Variants in CNOT4 observed in about 807,000 individuals in gnomAD.
CNOT4 encodes the protein CCR4-NOT transcription complex subunit 4.
In CNOT4, 8 loss-of-function variants were observed where a neutral mutation model predicts 73.8. The observed-to-expected ratio is 0.11, with a 90% CI of 0.06 to 0.20. The LOEUF (loss-of-function observed/expected upper bound fraction) is 0.20. CNOT4 is among the 10% of genes least tolerant of loss of function. The probability of loss-of-function intolerance (pLI) is 1.00; values close to 1 mark genes in which losing one functional copy is unlikely to be tolerated. For missense variants in CNOT4, 564 were observed against 883.4 expected, an observed-to-expected ratio of 0.64 and a Z score of 4.58; for synonymous variants, 293 against 321.1, an observed-to-expected ratio of 0.91 and a Z score of 0.94.
chr7:135,403,495 T>C (rs970939058), intron 7 of CNOT4, among the ~76,000 whole-genome samples: 34 of 152,322 alleles, frequency 2.2e-4, no homozygotes, highest in African/African-American at 8.2e-4. Context: ...ACTACGTGCC[T>C]ATAGTCCTAG....
chr7:135,489,009 G>GA (rs1229781516), intron 1 of CNOT4, among the ~76,000 whole-genome samples: 1 of 151,772 alleles, frequency 6.6e-6, no homozygotes, highest in Non-Finnish European at 1.5e-5. Context: ...TGTTCCTTCA[G>GA]AAAAAAACAA....
intron 2 of CNOT4, among the ~76,000 whole-genome samples, chr7:135,436,109 T>C (rs138475773): frequency 7.9e-4 from 120 of 152,234 alleles, no homozygotes; most frequent in African/African-American, 2.8e-3. Flanking sequence ...CAGAGATTCC[T>C]CACACTTTCT....
intron 1 of CNOT4, among the ~76,000 whole-genome samples, chr7:135,486,982 G>C (rs1462803142): frequency 6.6e-6 from 1 of 152,034 alleles, no homozygotes; most frequent in African/African-American, 2.4e-5. Flanking sequence ...TTTTGTTTCA[G>C]TCTGTCAAGA....
chr7:135,465,244 A>G (rs1157495515), intron 1 of CNOT4, among the ~76,000 whole-genome samples: 6 of 152,194 alleles, frequency 3.9e-5, no homozygotes, highest in Non-Finnish European at 1.5e-5. Flanking sequence ...ATTTTAATGG[A>G]ATATTTTTTT....
At chr7:135,477,102 G>T (rs1802040975) in intron 1 of CNOT4, among the ~76,000 whole-genome samples, 1 of 152,146 alleles carries the variant, frequency 6.6e-6, no homozygotes, top group Non-Finnish European at 1.5e-5. Context: ...GGCACTTTGG[G>T]ACGCTGAGGT....
chr7:135,503,037 T>C (rs1804101592), intron 1 of CNOT4, among the ~76,000 whole-genome samples: 1 of 151,286 alleles, frequency 6.6e-6, no homozygotes, highest in South Asian at 2.1e-4. Context: ...CCTGTAGTTC[T>C]AGCTACTTGG....
In CNOT4 at chr7:135,393,969, A is replaced by C. The variant is rs763112694; in HGVS notation, c.1576T>G (p.Leu526Val). 8 of 1,613,584 alleles carry C rather than the reference A, an allele frequency of 5.0e-6. No individual in the cohort carries two copies. The highest frequency in any genetic ancestry group is 1.7e-5 in the Admixed American group (1 of 59,994). Residue 526 changes from leucine to valine, a missense_variant, in exon 10 of 12, where the codon TTG becomes GTG. This residue lies in a region of CNOT4 where 153 missense variants were observed against 158.7 expected (regional missense o/e 0.96). Transcript: ENST00000541284. ...GTGTTGTGCTGTGGCGGGAGATTCA[A>C]GTCCAAGAAATTACTATTTGAGGTG... ...NPTSNSNFLD[L>V]NLPPQHNTGL...
intron 7 of CNOT4, among the ~76,000 whole-genome samples, chr7:135,398,532 C>T (rs191464942): frequency 1.1e-4 from 16 of 151,832 alleles, no homozygotes; most frequent in Non-Finnish European, 8.8e-5. Context: ...TTGGGGTGTT[C>T]GCCCAATAAG....
intron 1 of CNOT4, among the ~76,000 whole-genome samples, chr7:135,470,129 GTT>G (rs1042298266): frequency 6.7e-6 from 1 of 150,262 alleles, no homozygotes; most frequent in East Asian, 2.0e-4. Flanking sequence ...AGCCTGGTGT[GTT>G]TTTTTGGGGG....
intron 6 of CNOT4, among the ~76,000 whole-genome samples, chr7:135,412,124 A>G (rs540754513): frequency 1.3e-5 from 2 of 152,078 alleles, no homozygotes; most frequent in East Asian, 3.9e-4. Flanking sequence ...TAAAACATGA[A>G]AAGTCTTGAA....
Position 135,364,343 on chromosome 7 carries a change from G to A in CNOT4, c.1628-277C>T, listed in dbSNP as rs1018842452. 3.9e-5 allele frequency among the ~76,000 whole-genome samples: 6 copies of A among 152,134 alleles called. No homozygotes were observed. Among genetic ancestry groups the A allele is most frequent in the South Asian group, 2.1e-4 (1 of 4,822 alleles). On this transcript the variant is annotated intron_variant, in intron 10 of 11. Coordinates refer to ENST00000541284, the MANE Select transcript of CNOT4 (RefSeq NM_001190850.2). The surrounding 1 kb of genome is among the most constrained non-coding windows in gnomAD (Gnocchi z 4.3). Reference sequence around the variant, plus strand: ...TATGGGTTTGTAAATCAATAATCCAGTTTAAAGACTCAATGCTCCAGAGCA... The same window carrying A: ...TATGGGTTTGTAAATCAATAATCCAATTTAAAGACTCAATGCTCCAGAGCA...
At chr7:135,452,836 C>G (rs188514920) in intron 1 of CNOT4, among the ~76,000 whole-genome samples, 2 of 151,966 alleles carry the variant, frequency 1.3e-5, no homozygotes, top group African/African-American at 2.4e-5. Context: ...AGGAGGAGGC[C>G]AGGAGTTTAT....
intron 10 of CNOT4, chr7:135,388,704 A>C: frequency 6.6e-7 from 1 of 1,509,786 alleles, no homozygotes; most frequent in South Asian, 1.3e-5. Flanking sequence ...GGGTGTATAC[A>C]TTAAAAGCAA....
At chr7:135,420,297 T>C (rs1798110160) in intron 3 of CNOT4, among the ~76,000 whole-genome samples, 3 of 151,388 alleles carry the variant, frequency 2.0e-5, no homozygotes, top group African/African-American at 7.3e-5. Context: ...AGATTCTAGG[T>C]TGGGCGCAGT....
At chr7:135,495,767 T>G (rs1803528437) in intron 1 of CNOT4, among the ~76,000 whole-genome samples, 1 of 123,844 alleles carries the variant, frequency 8.1e-6, no homozygotes. Flanking sequence ...AGAAAGAAAT[T>G]TAAGAACATT....
Position 135,362,821 on chromosome 7 carries a change from G to A in CNOT4, c.*64C>T. ...AGATGAGAAGGGAGCTGTGGGTGGTGGGCTGAGAGGGAGAAAACAGAGTGG... is the reference window on the plus strand; with the variant it reads ...AGATGAGAAGGGAGCTGTGGGTGGTAGGCTGAGAGGGAGAAAACAGAGTGG... On this transcript the variant is annotated 3_prime_UTR_variant, in exon 12 of 12. Coordinates refer to ENST00000541284, the MANE Select transcript of CNOT4 (RefSeq NM_001190850.2). 7.1e-7 allele frequency: 1 copy of A among 1,400,836 alleles called. No individual in the cohort carries two copies. Among genetic ancestry groups the A allele is most frequent in the Non-Finnish European group, 1.0e-6 (1 of 985,804 alleles). The allele number at this position is 1,400,836 out of a possible 1,614,324, so 86.8% of individuals were successfully genotyped here.
Position 135,465,642 on chromosome 7 carries a change from A to G in CNOT4, c.-92-27219T>C, listed in dbSNP as rs536865893. Among the ~76,000 whole-genome samples, 31 of 152,310 alleles carry G rather than the reference A, an allele frequency of 2.0e-4. No homozygotes were observed. The South Asian group carries it at 2.5e-3, about 12-fold the overall frequency. The stretch of plus-strand genomic sequence containing the variant: ...TATCAGAGATGACAGTTCCATGTCC[A>G]GTGGGACAAGATATGGAGGTGGAAG... On this transcript the variant is annotated intron_variant, in intron 1 of 11. Transcript: ENST00000541284.
At chr7:135,418,688 T>C (rs1189427785) in intron 3 of CNOT4, among the ~76,000 whole-genome samples, 1 of 152,178 alleles carries the variant, frequency 6.6e-6, no homozygotes, top group Non-Finnish European at 1.5e-5. Flanking sequence ...TGTTGTGTCT[T>C]TAAAGTCATA....
chr7:135,415,260 A>C lies in CNOT4; in HGVS notation c.375T>G (p.Val125=). ...TCCCAAAATATTCTGGTCGTTTTAA[A>C]ACCTATAAAAGAAGAAGAAATAAGG... ...GLSQRLADPE[V]LKRPEYFGKF... The change falls in exon 4 of 12, where the codon GTT becomes GTG. Residue 125 remains valine (V), a splice_region_variant and synonymous_variant. Coordinates refer to ENST00000541284, the MANE Select transcript of CNOT4 (RefSeq NM_001190850.2). 6.6e-7 allele frequency: 1 copy of C among 1,524,674 alleles called. No individual in the cohort carries two copies. The highest frequency in any genetic ancestry group is 9.1e-7 in the Non-Finnish European group (1 of 1,099,460). 94.4% of individuals were successfully genotyped at this position (1,524,674 alleles called of 1,614,324 possible). A position where few individuals can be genotyped will look rare whatever the true frequency, so the allele number is the denominator to read the frequency against.
Sources: gnomAD v4.1 joint callset for allele counts (sites outside exome capture counted in the v4.1 genomes callset) on GRCh38, gnomAD v4.1.1 for gene constraint, gnomAD v4.1.1 regional missense constraint, Gnocchi (gnomAD v3.1) non-coding constraint, MANE v1.5 for transcripts, NCBI Gene and HGNC (gene_info 2026-07-23, HGNC 2026-07-21) for gene names.